The following CENPP variants were observed in gnomAD, a reference collection of about 807,000 sequenced individuals.
The protein encoded by CENPP is centromere protein P.
CENPP carries 24 observed loss-of-function variants against 35.6 expected under a neutral mutation model. That is an observed-to-expected ratio of 0.67 (90% CI 0.49 to 0.95). The LOEUF (loss-of-function observed/expected upper bound fraction) is 0.95. Among genes scored for constraint, CENPP ranks in the 40% least tolerant of loss-of-function variants. CENPP has a pLI of 0.00. For synonymous variants in CENPP, 120 were observed against 125.5 expected (o/e 0.96, Z 0.29); for missense variants, 332 against 345.3 (o/e 0.96, Z 0.31).
At position 92,619,554 on chromosome 9, in the gene CENPP, G is replaced by A; in HGVS notation, c.*6405G>A. On this transcript the variant is annotated 3_prime_UTR_variant, in exon 8 of 8. Transcript: ENST00000375587. ...AGTCCTTGGCAGTCATGGCGACGCG[G>A]TACTGCTGCACCTGCAGGGGCGGGA... 1 of 1,584,598 alleles carries A rather than the reference G, an allele frequency of 6.3e-7. No individual in the cohort carries two copies. Among genetic ancestry groups the A allele is most frequent in the Non-Finnish European group, 8.6e-7 (1 of 1,165,438 alleles).
chr9:92,548,096 T>C (rs10115976), intron 5 of CENPP, among the ~76,000 whole-genome samples: 37,900 of 152,128 alleles, frequency 0.25, 6,642 homozygotes, highest in African/African-American at 0.49. Flanking sequence ...AATTAATATA[T>C]AAAAATAAAT....
At chr9:92,598,566 A>G (rs1850834974) in intron 5 of CENPP, among the ~76,000 whole-genome samples, 1 of 152,168 alleles carries the variant, frequency 6.6e-6, no homozygotes, top group African/African-American at 2.4e-5. Flanking sequence ...CTGTGTGCAC[A>G]AGGGTCCAGT....
chr9:92,523,798 A>G (rs1848221536), intron 5 of CENPP, among the ~76,000 whole-genome samples: 1 of 152,198 alleles, frequency 6.6e-6, no homozygotes. Flanking sequence ...CCTTGAGCAC[A>G]GTGTTTATAG....
chr9:92,513,429 C>T (rs973687546), intron 5 of CENPP, among the ~76,000 whole-genome samples: 4 of 152,164 alleles, frequency 2.6e-5, no homozygotes, highest in Non-Finnish European at 5.9e-5. Context: ...TTACCATATC[C>T]GCAGTCCCAC....
intron 4 of CENPP, among the ~76,000 whole-genome samples, chr9:92,357,770 C>G (rs764328955): frequency 3.0e-4 from 45 of 152,202 alleles, no homozygotes; most frequent in Admixed American, 6.5e-4. Flanking sequence ...AGTGGGATTA[C>G]AGGTGTGAGC....
At chr9:92,499,812 A>G (rs188579330) in intron 5 of CENPP, among the ~76,000 whole-genome samples, 106 of 152,356 alleles carry the variant, frequency 7.0e-4, no homozygotes, top group African/African-American at 2.4e-3. Flanking sequence ...CATAATTCTC[A>G]GGGACAGAAC....
chr9:92,558,014 A>G (rs1849764742), intron 5 of CENPP, among the ~76,000 whole-genome samples: 1 of 151,836 alleles, frequency 6.6e-6, no homozygotes, highest in East Asian at 1.9e-4. Flanking sequence ...TAAGCTATCT[A>G]TTTCATTGAA....
intron 5 of CENPP, among the ~76,000 whole-genome samples, chr9:92,473,948 C>T (rs75797835): frequency 6.6e-6 from 1 of 152,338 alleles, no homozygotes; most frequent in African/African-American, 2.4e-5. Flanking sequence ...AGACCTTGGC[C>T]TCCACAGTGG....
chr9:92,508,266 C>A (rs929668744), intron 5 of CENPP, among the ~76,000 whole-genome samples: 27 of 152,200 alleles, frequency 1.8e-4, no homozygotes, highest in Non-Finnish European at 1.5e-5. Context: ...GGTATCTGAG[C>A]CGGAGGACAG....
At chr9:92,411,777 A>G (rs2130948761) in intron 5 of CENPP, among the ~76,000 whole-genome samples, 1 of 152,360 alleles carries the variant, frequency 6.6e-6, no homozygotes, top group Non-Finnish European at 1.5e-5. Context: ...CCATGTCTTT[A>G]TATTAACCCC....
At chr9:92,443,359 A>G (rs1844469917) in intron 5 of CENPP, among the ~76,000 whole-genome samples, 1 of 152,230 alleles carries the variant, frequency 6.6e-6, no homozygotes, top group Non-Finnish European at 1.5e-5. Flanking sequence ...CCTCTGAGCT[A>G]TCAGTAACCT....
chr9:92,521,418 A>G (rs903397067), intron 5 of CENPP, among the ~76,000 whole-genome samples: 6 of 152,220 alleles, frequency 3.9e-5, no homozygotes, highest in African/African-American at 1.2e-4. Context: ...TCTTTTCCCA[A>G]TCATGTTGTA....
Position 92,551,925 on chromosome 9 carries a change from G to GTGTATA in CENPP, c.565-59388_565-59387insGTATAT, listed in dbSNP as rs1176239722. Among the ~76,000 whole-genome samples, 35 of 84,516 alleles carry GTGTATA rather than the reference G, an allele frequency of 4.1e-4. 1 individual carries two copies. Among genetic ancestry groups the GTGTATA allele is most frequent in the African/African-American group, 9.7e-4 (12 of 12,322 alleles). 55.4% of individuals were successfully genotyped at this position (84,516 alleles called of 152,430 possible). On this transcript the variant is annotated intron_variant, in intron 5 of 7. Transcript: ENST00000375587. ...CATTTGTTATATATATGGTGTGTGT[G>GTGTATA]TATATATATATATATATATATATAT...
intron 5 of CENPP, chr9:92,465,048 A>C (rs1307275053): frequency 1.3e-6 from 2 of 1,511,944 alleles, no homozygotes; most frequent in African/African-American, 2.8e-5. Flanking sequence ...GGAGAATGAC[A>C]TGACTTAGCA....
At chr9:92,350,425 A>G (rs1004969917) in intron 4 of CENPP, among the ~76,000 whole-genome samples, 9 of 152,232 alleles carry the variant, frequency 5.9e-5, no homozygotes, top group African/African-American at 2.2e-4. Flanking sequence ...CTTTATGAAG[A>G]TGCAAATGGA....
chr9:92,473,564 A>G (rs1845604176), intron 5 of CENPP, among the ~76,000 whole-genome samples: 1 of 152,144 alleles, frequency 6.6e-6, no homozygotes, highest in Non-Finnish European at 1.5e-5. Context: ...CTTGTTCCTG[A>G]TGCTGTTTCC....
chr9:92,368,842 C>T (rs1179289370), intron 4 of CENPP, among the ~76,000 whole-genome samples: 6 of 152,016 alleles, frequency 3.9e-5, no homozygotes, highest in Admixed American at 3.9e-4. Flanking sequence ...AGTTCATGAC[C>T]AGTGTTGGCA....
At chr9:92,452,030 C>T (rs1240371276) in intron 5 of CENPP, among the ~76,000 whole-genome samples, 7 of 148,928 alleles carry the variant, frequency 4.7e-5, no homozygotes, top group Non-Finnish European at 3.0e-5. Context: ...GATATACAAT[C>T]ATGTCATCTG....
intron 5 of CENPP, among the ~76,000 whole-genome samples, chr9:92,418,677 A>G (rs970354854): frequency 1.4e-4 from 21 of 152,018 alleles, no homozygotes; most frequent in African/African-American, 5.1e-4. Context: ...TACAACTTCT[A>G]TTTGCTGATA....
Sources: allele counts gnomAD v4.1 joint callset (sites outside exome capture counted in the v4.1 genomes callset), GRCh38; gene constraint gnomAD v4.1.1; transcripts MANE v1.5; gene names NCBI Gene and HGNC (gene_info 2026-07-23, HGNC 2026-07-21).